Variants in GBE1 observed in about 807,000 individuals in gnomAD.
GBE1 encodes the protein 1,4-alpha-glucan branching enzyme 1, also known as 1,4-alpha-glucan-branching enzyme.
A neutral mutation model predicts 88.8 loss-of-function variants in GBE1; 70 were observed. That is an observed-to-expected ratio of 0.79 (90% confidence interval 0.65 to 0.96). The LOEUF (loss-of-function observed/expected upper bound fraction) is 0.96. Ranked by LOEUF, GBE1 falls within the 40% of genes least tolerant of loss-of-function variation. GBE1 has a pLI of 0.00. For synonymous variants in GBE1, 284 were observed against 300.1 expected, an observed-to-expected ratio of 0.95 and a Z score of 0.56; for missense variants, 872 against 871.0, an observed-to-expected ratio of 1.00 and a Z score of -0.01.
chr3:81,500,651 G>A (rs2106812083), intron 14 of GBE1, among the ~76,000 whole-genome samples: 1 of 152,310 alleles, frequency 6.6e-6, no homozygotes, highest in East Asian at 1.9e-4. Context: ...CAACCTAGGT[G>A]TTAAGAATCA....
intron 9 of GBE1, among the ~76,000 whole-genome samples, chr3:81,587,735 G>A (rs1177039472): frequency 1.3e-5 from 2 of 152,238 alleles, no homozygotes; most frequent in East Asian, 1.9e-4. Context: ...TTCAGTATCT[G>A]TTGAGTGAAT....
chr3:81,698,665 G>A (rs1172407450), intron 2 of GBE1, among the ~76,000 whole-genome samples: 1 of 152,134 alleles, frequency 6.6e-6, no homozygotes, highest in African/African-American at 2.4e-5. Flanking sequence ...AAAGTAGCAT[G>A]GATGGGATTG....
intron 9 of GBE1, among the ~76,000 whole-genome samples, chr3:81,589,540 A>C (rs993735876): frequency 1.3e-5 from 2 of 151,942 alleles, no homozygotes; most frequent in African/African-American, 4.8e-5. Context: ...AAAACCAAGT[A>C]ATATAAAGTA....
intron 3 of GBE1, among the ~76,000 whole-genome samples, chr3:81,658,990 T>G (rs1186042301): frequency 6.6e-6 from 1 of 151,918 alleles, no homozygotes; most frequent in Non-Finnish European, 1.5e-5. Context: ...GATTTAAACA[T>G]CCAAGATATT....
chr3:81,560,977 T>A (rs1343493170), intron 12 of GBE1, among the ~76,000 whole-genome samples: 3 of 152,058 alleles, frequency 2.0e-5, no homozygotes, highest in African/African-American at 7.2e-5. Context: ...TTATAACTTA[T>A]ACTTCTATGG....
chr3:81,705,499 TA>T lies in GBE1; in HGVS notation c.257del (p.Leu86TyrfsTer57). 1 of 1,604,156 alleles carries T rather than the reference TA, an allele frequency of 6.2e-7. No homozygotes were observed. Among genetic ancestry groups the T allele is most frequent in the Non-Finnish European group, 8.5e-7 (1 of 1,175,268 alleles). On this transcript the variant is annotated frameshift_variant, in exon 2 of 16. Transcript: ENST00000429644. LOFTEE classifies it high-confidence loss of function. ...CTCCCGGGGCCCATTCTTTGCAGTATAAACCACCATCAGCACATCTGTGGAC... is the reference window on the plus strand; with the variant it reads ...CTCCCGGGGCCCATTCTTTGCAGTATAACCACCATCAGCACATCTGTGGAC... Reference protein sequence around the residue: ...FGVHRCADGGLYCKEWAPGAE... With the variant: ...FGVHRCADGGXYCKEWAPGAE...
At chr3:81,577,184 C>T (rs971916184) in intron 12 of GBE1, among the ~76,000 whole-genome samples, 8 of 151,992 alleles carry the variant, frequency 5.3e-5, no homozygotes, top group Admixed American at 1.3e-4. Context: ...TCAAGCCATC[C>T]TCCTCCCTCA....
At chr3:81,761,157 T>G (rs1706676825) in intron 1 of GBE1, among the ~76,000 whole-genome samples, 1 of 152,186 alleles carries the variant, frequency 6.6e-6, no homozygotes, top group African/African-American at 2.4e-5. Context: ...GGAAAGAAGT[T>G]TCTTCAGCGC....
chr3:81,659,667 T>C (rs1202976422), intron 3 of GBE1, among the ~76,000 whole-genome samples: 2 of 151,512 alleles, frequency 1.3e-5, no homozygotes, highest in Non-Finnish European at 1.5e-5. Context: ...TCATTCTAAG[T>C]GCCATTGCAA....
At chr3:81,622,325 C>T (rs1315584560) in intron 7 of GBE1, among the ~76,000 whole-genome samples, 2 of 152,210 alleles carry the variant, frequency 1.3e-5, no homozygotes, top group Admixed American at 6.5e-5. Flanking sequence ...TGAGCACTAA[C>T]TCCTTCTAAA....
At chr3:81,573,541 A>T (rs1213127222) in intron 12 of GBE1, among the ~76,000 whole-genome samples, 3 of 152,188 alleles carry the variant, frequency 2.0e-5, no homozygotes, top group Non-Finnish European at 4.4e-5. Context: ...TTTGGGTTTT[A>T]AGGCCTTGAG....
At chr3:81,603,954 GA>G (rs1198238356) in intron 7 of GBE1, among the ~76,000 whole-genome samples, 2 of 152,004 alleles carry the variant, frequency 1.3e-5, no homozygotes, top group African/African-American at 4.8e-5. Flanking sequence ...GTAATGGCCT[GA>G]AAAAAATGAC....
At chr3:81,709,013 T>G (rs181430639) in intron 1 of GBE1, among the ~76,000 whole-genome samples, 3 of 152,272 alleles carry the variant, frequency 2.0e-5, no homozygotes, top group Admixed American at 1.3e-4. Flanking sequence ...AAGCTGATGA[T>G]AACATAATTA....
At chr3:81,553,278 A>T (rs1161040559) in intron 12 of GBE1, among the ~76,000 whole-genome samples, 3 of 151,574 alleles carry the variant, frequency 2.0e-5, no homozygotes, top group Non-Finnish European at 4.4e-5. Flanking sequence ...TTTTTTTTTT[A>T]AACTCCTGCA....
chr3:81,759,194 A>T (rs1428957895), intron 1 of GBE1, among the ~76,000 whole-genome samples: 1 of 152,236 alleles, frequency 6.6e-6, no homozygotes, highest in Non-Finnish European at 1.5e-5. Context: ...CAGAAGGGGA[A>T]AAGGCCAAGG....
Position 81,587,359 on chromosome 3 carries a change from C to A in GBE1, c.1237-1169G>T, listed in dbSNP as rs373191770. The stretch of plus-strand genomic sequence containing the variant: ...TAAGTTACTTTCCTTTGCTCCATTA[C>A]CACAACCACAATCTTATTTAATCTT... On this transcript the variant is annotated intron_variant, in intron 9 of 15. Transcript: ENST00000429644. Among the ~76,000 whole-genome samples, 25 of 152,270 alleles carry A rather than the reference C, an allele frequency of 1.6e-4. No individual in the cohort carries two copies. The East Asian group carries it at 2.9e-3, about 18-fold the overall frequency.
chr3:81,695,822 G>C (rs1039033601), intron 2 of GBE1, among the ~76,000 whole-genome samples: 1 of 152,164 alleles, frequency 6.6e-6, no homozygotes, highest in African/African-American at 2.4e-5. Flanking sequence ...CTGAAAAAAA[G>C]TGTGGTATTA....
At chr3:81,691,492 G>T (rs1436233728) in intron 2 of GBE1, among the ~76,000 whole-genome samples, 1 of 152,140 alleles carries the variant, frequency 6.6e-6, no homozygotes, top group African/African-American at 2.4e-5. Flanking sequence ...AAGTTGGTTG[G>T]ATGCAGTGGC....
At chr3:81,649,281 T>C (rs1366109997) in intron 4 of GBE1, among the ~76,000 whole-genome samples, 3 of 152,106 alleles carry the variant, frequency 2.0e-5, no homozygotes, top group Non-Finnish European at 2.9e-5. Flanking sequence ...GAAATACATA[T>C]GTAATTATCT....
Sources: allele counts gnomAD v4.1 joint callset (sites outside exome capture counted in the v4.1 genomes callset), GRCh38; gene constraint gnomAD v4.1.1; transcripts MANE v1.5; gene names NCBI Gene and HGNC (gene_info 2026-07-23, HGNC 2026-07-21).